The following KNTC1 variants were observed in gnomAD, a reference collection of about 807,000 sequenced individuals.
The protein encoded by KNTC1 is kinetochore-associated protein 1.
Under a neutral mutation model 314.4 loss-of-function variants are expected in KNTC1, and 253 were observed. The observed-to-expected ratio is 0.80, with a 90% CI of 0.73 to 0.89. KNTC1 has a LOEUF of 0.89. Among genes scored for constraint, KNTC1 ranks in the 40% least tolerant of loss-of-function variants. The pLI, the probability that KNTC1 is intolerant of heterozygous loss-of-function variation, is 0.00. For missense variants in KNTC1, 2,475 were observed against 2,572.9 expected (o/e 0.96, Z 0.82); for synonymous variants, 901 against 901.4 (o/e 1.00, Z 0.01).
At chr12:122,618,660 C>A in intron 59 of KNTC1, 115 bp downstream of exon 59, 1 of 817,366 alleles carries the variant, frequency 1.2e-6, no homozygotes, top group Non-Finnish European at 2.0e-6. Flanking sequence ...AAGCATAACA[C>A]GTGTTTGTTG....
At chr12:122,595,853 G>A (rs1253957522) in intron 43 of KNTC1, among the ~76,000 whole-genome samples, 1 of 152,062 alleles carries the variant, frequency 6.6e-6, no homozygotes, top group East Asian at 1.9e-4. Flanking sequence ...TACTTACGTG[G>A]CATTGATGAT....
chr12:122,586,229 C>T (rs985851439), intron 37 of KNTC1, among the ~76,000 whole-genome samples: 3 of 152,254 alleles, frequency 2.0e-5, no homozygotes, highest in African/African-American at 7.2e-5. Context: ...ATTACAGGCT[C>T]ATGCCACCAC....
chr12:122,545,647 A>G (rs1962702941), intron 8 of KNTC1, among the ~76,000 whole-genome samples: 1 of 152,178 alleles, frequency 6.6e-6, no homozygotes, highest in African/African-American at 2.4e-5. Context: ...TTGCCTAAAT[A>G]CGCTCATTAA....
chr12:122,587,772 A>G lies in KNTC1; in HGVS notation c.3792A>G (p.Glu1264=). ...CTGCCCTGCTTCAGAATCTTCAGGA[A>G]TCTAGCCAGTGGGAGCTAGCCCTAA... ...SISALLQNLQ[E]SSQWELALRF... The change falls in exon 39 of 64, where the codon GAA becomes GAG. Residue 1264 remains glutamate, a synonymous_variant. Coordinates refer to ENST00000333479, the MANE Select transcript of KNTC1 (RefSeq NM_014708.6). 6.2e-7 allele frequency: 1 copy of G among 1,613,858 alleles called. No homozygotes were observed. The highest frequency in any genetic ancestry group is 8.5e-7 in the Non-Finnish European group (1 of 1,179,776).
chr12:122,537,071 G>T (rs765156966), intron 3 of KNTC1, among the ~76,000 whole-genome samples: 11 of 152,176 alleles, frequency 7.2e-5, no homozygotes, highest in Admixed American at 1.3e-4. Flanking sequence ...AATAACTTGA[G>T]TTCGTAAGCC....
At chr12:122,537,140 C>A (rs1961904152) in intron 3 of KNTC1, among the ~76,000 whole-genome samples, 1 of 152,152 alleles carries the variant, frequency 6.6e-6, no homozygotes, top group African/African-American at 2.4e-5. Flanking sequence ...TTTTCTGTTA[C>A]CTTGGCCTTC....
Position 122,574,266 on chromosome 12 carries a change from G to T in KNTC1, c.2284-16G>T. On this transcript the variant is annotated splice_polypyrimidine_tract_variant and intron_variant, in intron 26 of 63. Transcript: ENST00000333479. ...TTTTTAATTTTTAAAAAACATACAT[G>T]TTTATCCCTTTTTAGGATTTACTGA... The T allele has an allele frequency of 6.7e-7, 1 of 1,485,028 alleles. No homozygotes were observed. Among genetic ancestry groups the T allele is most frequent in the Non-Finnish European group, 9.3e-7 (1 of 1,072,130 alleles). The allele number at this position is 1,485,028 out of a possible 1,614,324, so 92.0% of individuals were successfully genotyped here.
At chr12:122,588,963 TTA>T in intron 40 of KNTC1, 147 bp downstream of exon 40, 1 of 446,530 alleles carries the variant, frequency 2.2e-6, no homozygotes, top group Non-Finnish European at 3.9e-6. Flanking sequence ...AGCTAATCAA[TTA>T]TATTTTTATT....
rs147019604 is a variant in KNTC1 at position 122,593,159 on chromosome 12, C to T, written c.4246-1117C>T. 7.3e-3 allele frequency: 1,314 copies of T among 180,896 alleles called. 17 individuals are homozygous for T. The highest frequency in any genetic ancestry group is 0.03 in the African/African-American group (1,263 of 41,968). 11.2% of individuals were successfully genotyped at this position (180,896 alleles called of 1,614,324 possible). A position where few individuals can be genotyped will look rare whatever the true frequency, so the allele number is the denominator to read the frequency against. On this transcript the variant is annotated intron_variant, in intron 42 of 63. Coordinates refer to ENST00000333479, the MANE Select transcript of KNTC1 (RefSeq NM_014708.6). ...ACCTTAAGAGCTGTAACACTCACCT[C>T]GGGGGTCCGCGGCTTCATTCTTGAA...
At position 122,597,564 on chromosome 12, in the gene KNTC1, A is replaced by C. The variant is rs1054589611; in HGVS notation, c.4356-167A>C. 35 of 635,644 alleles carry C rather than the reference A, an allele frequency of 5.5e-5. No homozygotes were observed. The African/African-American group carries it at 5.8e-4, about 11-fold the overall frequency. The allele number at this position is 635,644 out of a possible 1,614,324, so 39.4% of individuals were successfully genotyped here. On this transcript the variant is annotated intron_variant, in intron 43 of 63. Coordinates refer to ENST00000333479, the MANE Select transcript of KNTC1 (RefSeq NM_014708.6). ...ACCCGGCCTAATATCTGATTTTTAA[A>C]AGGCAATAATTAGCTTTGATGACAG...
chr12:122,601,539 G>T lies in KNTC1; in HGVS notation c.4567G>T (p.Asp1523Tyr). The T allele has an allele frequency of 8.5e-6, 13 of 1,526,156 alleles. No homozygotes were observed. Among genetic ancestry groups the T allele is most frequent in the Non-Finnish European group, 1.1e-5 (13 of 1,139,454 alleles). 94.5% of individuals were successfully genotyped at this position (1,526,156 alleles called of 1,614,324 possible). A position where few individuals can be genotyped will look rare whatever the true frequency, so the allele number is the denominator to read the frequency against. ...ISLSGILHKLDPYDYEMIEVV... is the reference protein window; with the variant it reads ...ISLSGILHKLYPYDYEMIEVV... ...ATATATTTTTGTTTTTATACAGTTGGATCCTTATGACTATGAAATGATTGA... is the reference window on the plus strand; with the variant it reads ...ATATATTTTTGTTTTTATACAGTTGTATCCTTATGACTATGAAATGATTGA... The change falls in exon 45 of 64, where the codon GAT becomes TAT. Residue 1523 changes from aspartate to tyrosine, a missense_variant. Physicochemically the swap from Asp to Tyr is radical, Grantham distance 160. Coordinates refer to ENST00000333479, the MANE Select transcript of KNTC1 (RefSeq NM_014708.6).
At chr12:122,607,142 C>T (rs975555599) in intron 51 of KNTC1, among the ~76,000 whole-genome samples, 1 of 152,166 alleles carries the variant, frequency 6.6e-6, no homozygotes, top group Non-Finnish European at 1.5e-5. Context: ...TAGCTCACTG[C>T]AACCCCCACC....
chr12:122,573,624 A>G (rs1262412125), intron 26 of KNTC1, among the ~76,000 whole-genome samples: 1 of 152,114 alleles, frequency 6.6e-6, no homozygotes, highest in Non-Finnish European at 1.5e-5. Flanking sequence ...TATTTTAGGG[A>G]GAGACACGAG....
intron 20 of KNTC1, among the ~76,000 whole-genome samples, 185 bp from the exon 21 acceptor site, chr12:122,568,076 G>T: frequency 6.6e-6 from 1 of 152,070 alleles, no homozygotes; most frequent in East Asian, 1.9e-4. Context: ...GGAGTTCTAG[G>T]GTCTGAGATA....
intron 44 of KNTC1, among the ~76,000 whole-genome samples, chr12:122,599,886 T>C (rs1208657309): frequency 6.6e-6 from 1 of 152,084 alleles, no homozygotes; most frequent in Non-Finnish European, 1.5e-5. Flanking sequence ...GGCCTAGTAG[T>C]ACGTGCCTGC....
In KNTC1 at chr12:122,615,062, G is replaced by A; in HGVS notation, c.5949G>A (p.Leu1983=). The A allele has an allele frequency of 6.2e-7, 1 of 1,612,860 alleles. No individual in the cohort carries two copies. Among genetic ancestry groups the A allele is most frequent in the South Asian group, 1.1e-5 (1 of 90,838 alleles). Residue 1983 remains leucine (L), a synonymous_variant, in exon 56 of 64, where the codon TTG becomes TTA. Coordinates refer to ENST00000333479, the MANE Select transcript of KNTC1 (RefSeq NM_014708.6). ...ACCTGCAGCTTTGGAATGGACTCTT[G>A]CAAAAGCTTCTGGGCTTCAATATGG... The part of the protein sequence containing the change: ...IYDLQLWNGL[L]QKLLGFNMIP...
At chr12:122,574,163 G>T (rs1964876821) in intron 26 of KNTC1, 119 bp from the exon 27 acceptor site, 9 of 576,070 alleles carry the variant, frequency 1.6e-5, no homozygotes, top group Admixed American at 3.6e-5. Flanking sequence ...GAATTTTTAG[G>T]TTTTTTTTCT....
intron 60 of KNTC1, 56 bp downstream of exon 60, chr12:122,620,664 A>C (rs985694980): frequency 6.3e-7 from 1 of 1,574,838 alleles, no homozygotes; most frequent in Non-Finnish European, 8.6e-7. Context: ...TTCATCTTGC[A>C]TGTCCCTTGC....
At chr12:122,580,918 C>G (rs1310681135) in intron 33 of KNTC1, among the ~76,000 whole-genome samples, 1 of 151,938 alleles carries the variant, frequency 6.6e-6, no homozygotes, top group East Asian at 1.9e-4. Context: ...GTCCCAGCTA[C>G]TCGGGAGGCC....
Sources: gnomAD v4.1 joint callset for allele counts (sites outside exome capture counted in the v4.1 genomes callset) on GRCh38, gnomAD v4.1.1 for gene constraint, MANE v1.5 for transcripts, NCBI Gene and HGNC (gene_info 2026-07-23, HGNC 2026-07-21) for gene names.